TECTB: variants seen among roughly 807,000 people sequenced by gnomAD.
The protein encoded by TECTB is beta-tectorin.
A neutral mutation model predicts 43.3 loss-of-function variants in TECTB; 45 were observed. The observed-to-expected ratio is 1.04, with a 90% CI of 0.82 to 1.33. The LOEUF is 1.33. Ranked by LOEUF, TECTB falls within the 40% of genes most tolerant of loss-of-function variation. The probability of loss-of-function intolerance (pLI) is 0.00; values close to 1 mark genes in which losing one functional copy is unlikely to be tolerated. For missense variants in TECTB, 399 were observed against 404.7 expected (o/e 0.99, Z 0.12); for synonymous variants, 169 against 156.7 (o/e 1.08, Z -0.59).
intron 8 of TECTB, among the ~76,000 whole-genome samples, chr10:112,299,177 G>A (rs529529623): frequency 1.6e-4 from 25 of 152,312 alleles, no homozygotes; most frequent in African/African-American, 4.6e-4. Context: ...TGGTGAGAGT[G>A]GTAAGTAGAA....
chr10:112,299,395 C>A (rs1848576293), intron 8 of TECTB, 97 bp from the exon 9 acceptor site: 6 of 1,233,306 alleles, frequency 4.9e-6, no homozygotes, highest in Non-Finnish European at 5.8e-6. Context: ...CCATTTGTGA[C>A]CTTTTTAAAA....
intron 7 of TECTB, among the ~76,000 whole-genome samples, chr10:112,295,213 G>A (rs1053076967): frequency 1.3e-5 from 2 of 152,154 alleles, no homozygotes; most frequent in African/African-American, 2.4e-5. Flanking sequence ...ATCAGGCCAA[G>A]GAAAAATTAA....
At chr10:112,294,236 T>C (rs745891101) in intron 7 of TECTB, among the ~76,000 whole-genome samples, 175 bp downstream of exon 7, 10 of 152,220 alleles carry the variant, frequency 6.6e-5, no homozygotes, top group Non-Finnish European at 1.2e-4. Context: ...ACATAGTGCA[T>C]TCTAGGGGCC....
intron 9 of TECTB, among the ~76,000 whole-genome samples, chr10:112,300,279 A>AAAGGAAAG (rs1361291056): frequency 1.9e-4 from 9 of 48,360 alleles, no homozygotes; most frequent in African/African-American, 3.6e-4. Context: ...AGAAAGAAAG[A>AAAGGAAAG]AAAGAAAGAA....
In TECTB at chr10:112,303,349, T is replaced by C. The variant is rs371361551; in HGVS notation, c.*37T>C. The stretch of plus-strand genomic sequence containing the variant: ...GCAGCTGCCGCTCCTCCACCCACAA[T>C]AGTCCTCAGCGAATGACAAACACAT... On this transcript the variant is annotated 3_prime_UTR_variant, in exon 11 of 11. Coordinates refer to ENST00000646139, the MANE Select transcript of TECTB (RefSeq NM_058222.3). The C allele has an allele frequency of 5.6e-5, 90 of 1,612,144 alleles. No individual in the cohort carries two copies. The African/African-American group carries it at 7.6e-4, about 14-fold the overall frequency.
At chr10:112,293,643 T>A (rs542061989) in intron 5 of TECTB, 95 bp from the exon 6 acceptor site, 1 of 1,100,984 alleles carries the variant, frequency 9.1e-7, no homozygotes, top group Non-Finnish European at 1.4e-6. Flanking sequence ...TTGGGTTGAT[T>A]CTCATCCCCA....
chr10:112,295,440 G>C (rs1023163155), intron 7 of TECTB, among the ~76,000 whole-genome samples: 3 of 152,222 alleles, frequency 2.0e-5, no homozygotes, highest in Non-Finnish European at 4.4e-5. Flanking sequence ...CACAGGTCCA[G>C]AAATGTGCCC....
intron 5 of TECTB, among the ~76,000 whole-genome samples, chr10:112,286,770 A>C (rs1848458031): frequency 6.6e-6 from 1 of 152,038 alleles, no homozygotes; most frequent in Admixed American, 6.5e-5. Context: ...AAAAATACAA[A>C]AATTAGCCAG....
intron 5 of TECTB, among the ~76,000 whole-genome samples, chr10:112,290,717 T>C (rs1043707703): frequency 3.3e-5 from 5 of 152,310 alleles, no homozygotes; most frequent in East Asian, 1.9e-4. Flanking sequence ...TAAAAATCAC[T>C]GTAAATCTGC....
intron 10 of TECTB, 93 bp from the exon 11 acceptor site, chr10:112,303,170 T>G (rs1210686188): frequency 1.4e-6 from 2 of 1,469,246 alleles, no homozygotes; most frequent in African/African-American, 2.8e-5. Flanking sequence ...TGTGGAATTT[T>G]ATGAAGACCC....
intron 5 of TECTB, among the ~76,000 whole-genome samples, chr10:112,287,071 A>C (rs1848461228): frequency 6.6e-6 from 1 of 152,212 alleles, no homozygotes; most frequent in African/African-American, 2.4e-5. Flanking sequence ...TTTCACTACA[A>C]CCCCCTCCAG....
intron 9 of TECTB, among the ~76,000 whole-genome samples, chr10:112,301,873 G>A (rs1284436730): frequency 5.9e-5 from 9 of 152,210 alleles, no homozygotes; most frequent in African/African-American, 2.2e-4. Flanking sequence ...ACCACATCTG[G>A]TTCATTTTTG....
At position 112,304,584 on chromosome 10, in the gene TECTB, G is replaced by A. The variant is rs1303917880; in HGVS notation, c.*1272G>A. On this transcript the variant is annotated 3_prime_UTR_variant, in exon 11 of 11. Coordinates refer to ENST00000646139, the MANE Select transcript of TECTB (RefSeq NM_058222.3). ...GACTTAATTAGTAGGCTTATAATTTGAAAACAACACATGGGTTTGTCTCTC... is the reference window on the plus strand; with the variant it reads ...GACTTAATTAGTAGGCTTATAATTTAAAAACAACACATGGGTTTGTCTCTC... 2.0e-5 allele frequency: 3 copies of A among 152,224 alleles called. No homozygotes were observed. 9.4% of individuals were successfully genotyped at this position (152,224 alleles called of 1,614,324 possible).
intron 10 of TECTB, chr10:112,302,581 C>T (rs903364223): frequency 2.7e-6 from 1 of 375,910 alleles, no homozygotes; most frequent in Non-Finnish European, 4.7e-6. Context: ...ATAATTGCCC[C>T]TATCTACATG....
At chr10:112,291,692 T>C (rs1312339648) in intron 5 of TECTB, among the ~76,000 whole-genome samples, 3 of 152,246 alleles carry the variant, frequency 2.0e-5, no homozygotes, top group Non-Finnish European at 2.9e-5. Context: ...ATTCTCCTAT[T>C]ACATAAAGTC....
At chr10:112,285,704 T>C (rs1469725437) in intron 3 of TECTB, among the ~76,000 whole-genome samples, 1 of 152,046 alleles carries the variant, frequency 6.6e-6, no homozygotes. Flanking sequence ...CTCTAGAAAT[T>C]GGAGATGGGT....
At position 112,286,088 on chromosome 10, in the gene TECTB, T is replaced by C. The variant is rs770079500; in HGVS notation, c.285T>C (p.Tyr95=). Residue 95 remains tyrosine, a synonymous_variant, in exon 4 of 11, where the codon TAT becomes TAC. Transcript: ENST00000646139. ...GTQSEYKPPI[Y]HFYSHIVSND... Reference sequence around the variant, plus strand: ...TTGTCCAGTACAAGCCACCTATCTATCACTTCTACAGTCACATCGTTTCCA... The same window carrying C: ...TTGTCCAGTACAAGCCACCTATCTACCACTTCTACAGTCACATCGTTTCCA... The C allele has an allele frequency of 3.1e-6, 5 of 1,614,108 alleles. No homozygotes were observed. Among genetic ancestry groups the C allele is most frequent in the Non-Finnish European group, 4.2e-6 (5 of 1,179,980 alleles).
At chr10:112,293,377 G>C (rs972813290) in intron 5 of TECTB, among the ~76,000 whole-genome samples, 29 of 152,350 alleles carry the variant, frequency 1.9e-4, no homozygotes, top group African/African-American at 7.0e-4. Context: ...GGCGGGTGTT[G>C]TATGTGCTCA....
Position 112,283,788 on chromosome 10 carries a change from A to C in TECTB, c.54A>C (p.Lys18Asn), listed in dbSNP as rs199765619. The change falls in exon 2 of 11, where the codon AAA (lysine) becomes AAC (asparagine). Residue 18 changes from lysine to asparagine, a missense_variant. Physicochemically the swap from Lys to Asn is moderately conservative, Grantham distance 94. Transcript: ENST00000646139. ...LLAIFAEASA[K>N]SCAPNKADVI... is the part of the protein sequence containing the mutation. ...CCATCTTTGCAGAAGCCTCTGCAAA[A>C]TCGTGTGCTCCAAATAAAGCAGGTA... 1 of 1,613,938 alleles carries C rather than the reference A, an allele frequency of 6.2e-7. No individual in the cohort carries two copies. The highest frequency in any genetic ancestry group is 2.2e-5 in the East Asian group (1 of 44,872).
Sources: allele counts gnomAD v4.1 joint callset (sites outside exome capture counted in the v4.1 genomes callset), GRCh38; gene constraint gnomAD v4.1.1; transcripts MANE v1.5; gene names NCBI Gene and HGNC (gene_info 2026-07-23, HGNC 2026-07-21).